Variants in PCCA observed in about 807,000 individuals in gnomAD.
PCCA encodes propionyl-CoA carboxylase alpha chain, mitochondrial.
A neutral mutation model predicts 101.3 loss-of-function variants in PCCA; 74 were observed. The ratio of observed to expected loss-of-function variants is 0.73; its 90% CI spans 0.61 to 0.89. PCCA has a LOEUF of 0.89. Among genes scored for constraint, PCCA ranks in the 40% least tolerant of loss-of-function variants. The probability of loss-of-function intolerance (pLI) is 0.00; values close to 1 mark genes in which losing one functional copy is unlikely to be tolerated. For synonymous variants in PCCA, 294 were observed against 313.6 expected, an observed-to-expected ratio of 0.94 and a Z score of 0.66; for missense variants, 891 against 907.0, an observed-to-expected ratio of 0.98 and a Z score of 0.23.
chr13:100,458,641 A>T (rs1266121925), intron 21 of PCCA, among the ~76,000 whole-genome samples: 1 of 152,166 alleles, frequency 6.6e-6, no homozygotes, highest in Non-Finnish European at 1.5e-5. Flanking sequence ...CCTCAAAAAA[A>T]TCAAAAAAGC....
chr13:100,390,877 G>A (rs141331534), intron 19 of PCCA, among the ~76,000 whole-genome samples: 41 of 152,296 alleles, frequency 2.7e-4, no homozygotes, highest in African/African-American at 8.7e-4. Flanking sequence ...AGGCATGGTC[G>A]TTAAGAGTGG....
At chr13:100,507,406 C>A (rs967432895) in intron 21 of PCCA, among the ~76,000 whole-genome samples, 2 of 152,192 alleles carry the variant, frequency 1.3e-5, no homozygotes, top group Admixed American at 1.3e-4. Context: ...CTGTCATTAA[C>A]AGACTTGCTC....
intron 22 of PCCA, among the ~76,000 whole-genome samples, chr13:100,521,258 C>T (rs575962765): frequency 6.6e-6 from 1 of 152,344 alleles, no homozygotes; most frequent in African/African-American, 2.4e-5. Context: ...CTGCCCAGTT[C>T]TGGGGAGCCC....
chr13:100,496,916 GTGT>G (rs2085318418), intron 21 of PCCA, among the ~76,000 whole-genome samples: 1 of 152,218 alleles, frequency 6.6e-6, no homozygotes, highest in Non-Finnish European at 1.5e-5. Flanking sequence ...ACTTCATGGT[GTGT>G]TCAGGTCGCT....
At chr13:100,125,293 A>G (rs2049850351) in intron 4 of PCCA, among the ~76,000 whole-genome samples, 1 of 152,226 alleles carries the variant, frequency 6.6e-6, no homozygotes, top group Non-Finnish European at 1.5e-5. Flanking sequence ...ATTTCCAGAC[A>G]TTTAGGTTGC....
At chr13:100,186,166 G>C (rs756081477) in intron 6 of PCCA, among the ~76,000 whole-genome samples, 1 of 152,068 alleles carries the variant, frequency 6.6e-6, no homozygotes, top group Non-Finnish European at 1.5e-5. Context: ...TTTGTGTGGC[G>C]TTATACAAGT....
intron 20 of PCCA, among the ~76,000 whole-genome samples, chr13:100,435,132 T>C (rs138238082): frequency 1.7e-3 from 259 of 152,296 alleles, no homozygotes; most frequent in African/African-American, 5.8e-3. Context: ...GAAAACGGGT[T>C]TAAATGGCTC....
At chr13:100,216,090 C>T (rs557810833) in intron 7 of PCCA, among the ~76,000 whole-genome samples, 1 of 151,568 alleles carries the variant, frequency 6.6e-6, no homozygotes, top group Non-Finnish European at 1.5e-5. Flanking sequence ...TCCCCTTCCC[C>T]TCTCCTTCCC....
intron 16 of PCCA, among the ~76,000 whole-genome samples, chr13:100,321,542 C>G (rs1374120860): frequency 6.8e-6 from 1 of 147,340 alleles, no homozygotes; most frequent in African/African-American, 2.5e-5. Flanking sequence ...ACCCACAGAA[C>G]AAGCATGAAA....
chr13:100,196,850 A>C (rs949872498), intron 6 of PCCA, among the ~76,000 whole-genome samples: 1 of 152,192 alleles, frequency 6.6e-6, no homozygotes, highest in African/African-American at 2.4e-5. Flanking sequence ...TTATGTTCTT[A>C]TCCTAATGAA....
At chr13:100,110,803 GTTTA>G (rs1594135920) in intron 2 of PCCA, among the ~76,000 whole-genome samples, 1 of 151,676 alleles carries the variant, frequency 6.6e-6, no homozygotes, top group African/African-American at 2.4e-5. Context: ...TGTTTTTTTT[GTTTA>G]TTTATTTATT....
intron 21 of PCCA, among the ~76,000 whole-genome samples, chr13:100,504,017 G>A (rs2152990426): frequency 6.6e-6 from 1 of 152,308 alleles, no homozygotes; most frequent in East Asian, 1.9e-4. Context: ...AATAAAAATT[G>A]ACATTACCGA....
intron 4 of PCCA, among the ~76,000 whole-genome samples, chr13:100,139,528 G>GT (rs937169300): frequency 5.3e-5 from 8 of 150,540 alleles, no homozygotes; most frequent in African/African-American, 1.7e-4. Flanking sequence ...CATCCAGTAT[G>GT]TTTTTTTTAA....
intron 6 of PCCA, among the ~76,000 whole-genome samples, chr13:100,201,788 T>G (rs950898620): frequency 8.1e-6 from 1 of 124,084 alleles, no homozygotes; most frequent in African/African-American, 3.1e-5. Flanking sequence ...ACCCGGGAGC[T>G]GGAGGTTGCA....
At chr13:100,159,070 TA>T (rs901078330) in intron 6 of PCCA, among the ~76,000 whole-genome samples, 1 of 145,570 alleles carries the variant, frequency 6.9e-6, no homozygotes, top group Non-Finnish European at 1.5e-5. Flanking sequence ...TTTCAGTTAT[TA>T]AAAAAATGCT....
chr13:100,350,683 G>A (rs192157971), intron 18 of PCCA, among the ~76,000 whole-genome samples: 52 of 152,278 alleles, frequency 3.4e-4, no homozygotes, highest in African/African-American at 2.4e-5. Flanking sequence ...TGAGGGAAAG[G>A]CAGAATAGCC....
Position 100,457,876 on chromosome 13 carries a change from T to G in PCCA, c.1899+8571T>G, listed in dbSNP as rs1283291. Among the ~76,000 whole-genome samples the G allele has an allele frequency of 8.9e-3, 1,353 of 152,206 alleles. 18 individuals carry two copies. The highest frequency in any genetic ancestry group is 0.031 in the African/African-American group (1,285 of 41,536). On this transcript the variant is annotated intron_variant, in intron 21 of 23. Coordinates refer to ENST00000376285, the MANE Select transcript of PCCA (RefSeq NM_000282.4). ...TGCCATGCCCCCCTTGGAGGTTGTG[T>G]GTGACGCTGATGCTCCTGTCAGCAT...
chr13:100,275,253 G>A (rs2063565257), intron 12 of PCCA, among the ~76,000 whole-genome samples: 1 of 152,136 alleles, frequency 6.6e-6, no homozygotes, highest in African/African-American at 2.4e-5. Context: ...CTTTCCCAGA[G>A]GGAGACTCCT....
chr13:100,502,374 T>G (rs1424106148), intron 21 of PCCA, among the ~76,000 whole-genome samples: 2 of 152,164 alleles, frequency 1.3e-5, no homozygotes, highest in African/African-American at 4.8e-5. Flanking sequence ...CCTGGCTGTG[T>G]GTACTGTATA....
Sources: allele counts gnomAD v4.1 joint callset (sites outside exome capture counted in the v4.1 genomes callset), GRCh38; gene constraint gnomAD v4.1.1; transcripts MANE v1.5; gene names NCBI Gene and HGNC (gene_info 2026-07-23, HGNC 2026-07-21).